The following CRYL1 variants were observed in gnomAD, a reference collection of about 807,000 sequenced individuals.
The protein encoded by CRYL1 is lambda-crystallin homolog.
CRYL1 carries 29 observed loss-of-function variants against 36.6 expected under a neutral mutation model. That is an observed-to-expected ratio of 0.79 (90% CI 0.59 to 1.08). The LOEUF is 1.08. CRYL1 is among the 50% of genes least tolerant of loss of function. The pLI, the probability that CRYL1 is intolerant of heterozygous loss-of-function variation, is 0.00. For synonymous variants in CRYL1, 152 were observed against 151.5 expected (o/e 1.00, Z -0.02); for missense variants, 411 against 407.9 (o/e 1.01, Z -0.06).
chr13:20,421,587 T>C (rs1259144813), intron 5 of CRYL1, among the ~76,000 whole-genome samples: 1 of 152,090 alleles, frequency 6.6e-6, no homozygotes, highest in Non-Finnish European at 1.5e-5. Flanking sequence ...GCAGTGTCAT[T>C]TGTCACCTCC....
intron 2 of CRYL1, among the ~76,000 whole-genome samples, chr13:20,490,071 T>C (rs748028208): frequency 2.0e-5 from 3 of 152,140 alleles, no homozygotes; most frequent in Admixed American, 6.5e-5. Context: ...TGATTCCACC[T>C]AGAAGAGGTA....
intron 3 of CRYL1, among the ~76,000 whole-genome samples, chr13:20,484,554 C>A (rs2033357242): frequency 6.6e-6 from 1 of 152,066 alleles, no homozygotes; most frequent in Admixed American, 6.6e-5. Flanking sequence ...TGCATGTAAT[C>A]CCAGCTAATT....
intron 1 of CRYL1, chr13:20,513,598 A>G (rs115006988): frequency 6.6e-6 from 1 of 152,364 alleles, no homozygotes; most frequent in African/African-American, 2.4e-5. Context: ...GTGATAAGTT[A>G]TGGATCTATG....
chr13:20,463,342 A>G (rs553521185), intron 3 of CRYL1, among the ~76,000 whole-genome samples: 1 of 152,342 alleles, frequency 6.6e-6, no homozygotes, highest in South Asian at 2.1e-4. Flanking sequence ...ACAGATCACT[A>G]TACATGCAGG....
intron 2 of CRYL1, among the ~76,000 whole-genome samples, chr13:20,509,687 G>A (rs1165404827): frequency 6.6e-6 from 1 of 152,158 alleles, no homozygotes; most frequent in Non-Finnish European, 1.5e-5. Flanking sequence ...CAGCACTTTG[G>A]GAGGCCGAGG....
intron 3 of CRYL1, among the ~76,000 whole-genome samples, chr13:20,483,787 C>T (rs191456451): frequency 3.3e-5 from 5 of 152,158 alleles, no homozygotes; most frequent in South Asian, 2.1e-4. Context: ...GTAATCCACC[C>T]GCTGTGGCCT....
intron 3 of CRYL1, among the ~76,000 whole-genome samples, chr13:20,450,111 C>A (rs988906732): frequency 6.6e-6 from 1 of 152,056 alleles, no homozygotes; most frequent in African/African-American, 2.4e-5. Flanking sequence ...TCATATGGAA[C>A]CAAAATCGAG....
intron 3 of CRYL1, among the ~76,000 whole-genome samples, chr13:20,459,002 G>A (rs1012976230): frequency 3.3e-5 from 5 of 152,114 alleles, no homozygotes; most frequent in Non-Finnish European, 7.4e-5. Context: ...TTGGGAGGCC[G>A]AGGCGGGCGG....
intron 3 of CRYL1, among the ~76,000 whole-genome samples, chr13:20,447,245 C>A (rs946955966): frequency 3.3e-5 from 5 of 152,144 alleles, no homozygotes; most frequent in Admixed American, 2.6e-4. Flanking sequence ...TCAAGAGCAA[C>A]CCAACATCTG....
At chr13:20,463,114 C>G (rs961347461) in intron 3 of CRYL1, among the ~76,000 whole-genome samples, 3 of 152,222 alleles carry the variant, frequency 2.0e-5, no homozygotes, top group African/African-American at 7.2e-5. Context: ...GCCTGCTGGC[C>G]TGCTCCCACC....
chr13:20,471,988 G>A (rs1317816539), intron 3 of CRYL1, among the ~76,000 whole-genome samples: 1 of 152,088 alleles, frequency 6.6e-6, no homozygotes, highest in Non-Finnish European at 1.5e-5. Context: ...AGCCTCCTGA[G>A]TAGCTGGGAT....
intron 5 of CRYL1, among the ~76,000 whole-genome samples, chr13:20,420,701 TTGTGTGTGTG>T (rs1555226402): frequency 0.031 from 683 of 21,862 alleles, 71 homozygotes; most frequent in African/African-American, 0.065. Context: ...AAAATAGAGG[TTGTGTGTGTG>T]TGTGTGTGTG....
rs560013805 is a variant in CRYL1 at position 20,490,264 on chromosome 13, T to C, written c.150-768A>G. Among the ~76,000 whole-genome samples, 41 of 152,282 alleles carry C rather than the reference T, an allele frequency of 2.7e-4. No individual in the cohort carries two copies. The East Asian group carries it at 7.2e-3, about 27-fold the overall frequency. On this transcript the variant is annotated intron_variant, in intron 2 of 7. Transcript: ENST00000298248. Reference sequence around the variant, plus strand: ...AAAATTAGCTTGGCATTGTGCCGCGTGCCTGTAATCTCAGCTACTCAGGAG... The same window carrying C: ...AAAATTAGCTTGGCATTGTGCCGCGCGCCTGTAATCTCAGCTACTCAGGAG...
At chr13:20,459,780 AAACCCCCATG>A in intron 3 of CRYL1, among the ~76,000 whole-genome samples, 1 of 152,206 alleles carries the variant, frequency 6.6e-6, no homozygotes, top group Non-Finnish European at 1.5e-5. Flanking sequence ...TCTGTACACC[AAACCCCCATG>A]ACATGCAATT....
At chr13:20,420,701 T>TTTTTTTTTTTTTTTTTTTTGTGTGTG in intron 5 of CRYL1, among the ~76,000 whole-genome samples, 3 of 21,838 alleles carry the variant, frequency 1.4e-4, no homozygotes, top group Non-Finnish European at 2.7e-4. Context: ...AAAATAGAGG[T>TTTTTTTTTTTTTTTTTTTTGTGTGTG]TGTGTGTGTG....
intron 2 of CRYL1, among the ~76,000 whole-genome samples, chr13:20,497,746 ACACACACATC>A (rs1322710841): frequency 1.3e-5 from 2 of 149,502 alleles, no homozygotes; most frequent in Non-Finnish European, 3.0e-5. Context: ...ACATACAACT[ACACACACATC>A]TCATATACAC....
rs144052522 is a variant in CRYL1, at chr13:20,499,205, G to C, written c.150-9709C>G. Among the ~76,000 whole-genome samples, 1,089 of 152,180 alleles carry C rather than the reference G, an allele frequency of 7.2e-3. 15 individuals are homozygous for C. The highest frequency in any genetic ancestry group is 0.025 in the African/African-American group (1,058 of 41,516). ...CCCAAAAAATACAAAAATTAGCTGGGTGTGATGGCGCATGCCTGTAGTCTC... is the reference window on the plus strand; with the variant it reads ...CCCAAAAAATACAAAAATTAGCTGGCTGTGATGGCGCATGCCTGTAGTCTC... On this transcript the variant is annotated intron_variant, in intron 2 of 7. Transcript: ENST00000298248.
chr13:20,479,342 T>C (rs1323762829), intron 3 of CRYL1, among the ~76,000 whole-genome samples: 1 of 152,154 alleles, frequency 6.6e-6, no homozygotes, highest in African/African-American at 2.4e-5. Flanking sequence ...ACAATGCCAC[T>C]CAGCAAAATG....
chr13:20,410,671 A>C (rs2031496796), intron 6 of CRYL1, among the ~76,000 whole-genome samples: 1 of 152,238 alleles, frequency 6.6e-6, no homozygotes, highest in Non-Finnish European at 1.5e-5. Flanking sequence ...ACGTGAAAGA[A>C]ACAAGACAAA....
Sources: allele counts gnomAD v4.1 joint callset (sites outside exome capture counted in the v4.1 genomes callset), GRCh38; gene constraint gnomAD v4.1.1; transcripts MANE v1.5; gene names NCBI Gene and HGNC (gene_info 2026-07-23, HGNC 2026-07-21).